Variants in ENPP2 observed in about 807,000 individuals in gnomAD.
ENPP2 encodes the protein ectonucleotide pyrophosphatase/phosphodiesterase 2.
A neutral mutation model predicts 120.2 loss-of-function variants in ENPP2; 51 were observed. The ratio of observed to expected loss-of-function variants is 0.42; its 90% CI spans 0.34 to 0.54. The LOEUF is 0.54. ENPP2 is among the 20% of genes least tolerant of loss of function. The pLI is 0.04. For missense variants in ENPP2, 920 were observed against 1,066.5 expected (o/e 0.86, Z 1.91); for synonymous variants, 365 against 366.4 (o/e 1.00, Z 0.04).
intron 8 of ENPP2, among the ~76,000 whole-genome samples, chr8:119,611,616 C>A (rs964937501): frequency 1.3e-5 from 2 of 152,110 alleles, no homozygotes; most frequent in Non-Finnish European, 1.5e-5. Flanking sequence ...CAGTTCCATC[C>A]GAAACACAAT....
chr8:119,622,823 T>C (rs1160761961), intron 3 of ENPP2, among the ~76,000 whole-genome samples: 2 of 152,112 alleles, frequency 1.3e-5, no homozygotes, highest in African/African-American at 4.8e-5. Context: ...TGCCAGGATG[T>C]CATAAAGAAC....
At chr8:119,634,291 T>C (rs1489853264) in intron 2 of ENPP2, among the ~76,000 whole-genome samples, 1 of 152,156 alleles carries the variant, frequency 6.6e-6, no homozygotes, top group Non-Finnish European at 1.5e-5. Flanking sequence ...TTCTACGTAA[T>C]TGAAGTTAAA....
rs146144916 is a variant in ENPP2 at position 119,605,571 on chromosome 8, C to T, written c.833+2351G>A. 3.7e-3 allele frequency among the ~76,000 whole-genome samples: 559 copies of T among 151,770 alleles called. 1 individual carries two copies. The highest frequency in any genetic ancestry group is 6.3e-3 in the Non-Finnish European group (426 of 67,932). ...TGCCTCCCAGGTTCAAGCCATTCTCCTGCCTCAGCCTCCCAGGTAGCTGGG... is the reference window on the plus strand; with the variant it reads ...TGCCTCCCAGGTTCAAGCCATTCTCTTGCCTCAGCCTCCCAGGTAGCTGGG... On this transcript the variant is annotated intron_variant, in intron 9 of 24. Coordinates refer to ENST00000075322, the MANE Select transcript of ENPP2 (RefSeq NM_001040092.3).
In ENPP2 at chr8:119,601,405, A is replaced by T; in HGVS notation, c.891T>A (p.Asp297Glu). 2 of 1,603,054 alleles carry T rather than the reference A, an allele frequency of 1.2e-6. No homozygotes were observed. Among genetic ancestry groups the T allele is most frequent in the Non-Finnish European group, 1.7e-6 (2 of 1,169,986 alleles). The change falls in exon 10 of 25, where the codon GAT becomes GAA. Residue 297 changes from aspartate to glutamate, a missense_variant. Physicochemically the swap from Asp to Glu is conservative, Grantham distance 45. Coordinates refer to ENST00000075322, the MANE Select transcript of ENPP2 (RefSeq NM_001040092.3). ...AAGAGAGAAATAAATACCTCTCATG[A>T]TCTGGCAGGGTGAGCCACTGCAATA... ...LTILQWLTLP[D>E]HERPSVYAFY...
In ENPP2 at chr8:119,600,723, C is replaced by T. The variant is rs1482268258; in HGVS notation, c.927G>A (p.Glu309=). The change falls in exon 11 of 25, where the codon GAG becomes GAA. Residue 309 remains glutamate (E), a synonymous_variant. Transcript: ENST00000075322. ...ATTTGTGTCCAGAGAAATCAGGTTG[C>T]TCAGAATAGAAGGCATAGACCGAAG... ...ERPSVYAFYS[E]QPDFSGHKYG... 3 of 1,612,840 alleles carry T rather than the reference C, an allele frequency of 1.9e-6. No homozygotes were observed. The highest frequency in any genetic ancestry group is 2.2e-5 in the South Asian group (2 of 91,056).
chr8:119,641,264 C>A (rs1038794200), upstream of ENPP2, among the ~76,000 whole-genome samples: 8 of 151,864 alleles, frequency 5.3e-5, no homozygotes, highest in Admixed American at 5.2e-4. Context: ...AAAGTCCCTA[C>A]CTCGGCTATC....
intron 11 of ENPP2, chr8:119,595,777 C>G: frequency 6.7e-7 from 1 of 1,501,970 alleles, no homozygotes. Flanking sequence ...ATTTTCCAAC[C>G]AAGGCACTGA....
intron 7 of ENPP2, 117 bp downstream of exon 7, chr8:119,617,047 A>G: frequency 1.4e-6 from 1 of 693,566 alleles, no homozygotes. Flanking sequence ...AAGATGGAAA[A>G]CAGAAAGATT....
intron 11 of ENPP2, among the ~76,000 whole-genome samples, chr8:119,594,861 T>C (rs1179039681): frequency 6.6e-6 from 1 of 152,218 alleles, no homozygotes; most frequent in Non-Finnish European, 1.5e-5. Context: ...ACACATAATA[T>C]TATCTTCCAC....
chr8:119,615,721 G>A (rs1197808785), intron 8 of ENPP2, among the ~76,000 whole-genome samples: 1 of 151,988 alleles, frequency 6.6e-6, no homozygotes, highest in Non-Finnish European at 1.5e-5. Context: ...AAGTTTCCCT[G>A]TTTCTGTTAT....
At chr8:119,564,754 T>C (rs1814267083) in intron 23 of ENPP2, 69 bp downstream of exon 23, 1 of 1,432,480 alleles carries the variant, frequency 7.0e-7, no homozygotes, top group African/African-American at 1.4e-5. Context: ...TATATGAATA[T>C]TTGAAAAACT....
intron 1 of ENPP2, among the ~76,000 whole-genome samples, chr8:119,670,056 C>G (rs1818195556): frequency 6.6e-6 from 1 of 152,184 alleles, no homozygotes; most frequent in South Asian, 2.1e-4. Flanking sequence ...CTATCTAGGC[C>G]TTTAGTGTCC....
rs765203972 is a variant in ENPP2 at position 119,570,734 on chromosome 8, G to A, written c.1888C>T (p.Leu630Phe). 3.2e-6 allele frequency: 5 copies of A among 1,585,640 alleles called. No homozygotes were observed. Among genetic ancestry groups the A allele is most frequent in the Non-Finnish European group, 4.3e-6 (5 of 1,164,680 alleles). ...SGYSEIFLMP[L>F]WTSYTVSKQA... ...TTGGAAACAGTATATGATGTCCAGA[G>A]TGGCATTAGGAATATTTCACTATAA... The change falls in exon 20 of 25, where the codon CTC (leucine) becomes TTC (phenylalanine). Residue 630 changes from leucine (L) to phenylalanine (F), a missense_variant. Leu to Phe is a conservative substitution (Grantham distance 22). Transcript: ENST00000075322.
chr8:119,583,739 A>G lies in ENPP2; in HGVS notation c.1521T>C (p.Ile507=), dbSNP rs145038215. The G allele has an allele frequency of 3.5e-5, 56 of 1,585,998 alleles. No individual in the cohort carries two copies. The highest frequency in any genetic ancestry group is 4.5e-5 in the Non-Finnish European group (52 of 1,155,426). The change falls in exon 17 of 25, where the codon ATT becomes ATC. Residue 507 remains isoleucine (I), a synonymous_variant. Coordinates refer to ENST00000075322, the MANE Select transcript of ENPP2 (RefSeq NM_001040092.3). ...TACCACACATAACATTGTAAAGTTC[A>G]ATGTTTTCAAATGGAGGCACTTTAG... ...YKTKVPPFEN[I]ELYNVMCDLL...
intron 12 of ENPP2, chr8:119,592,974 T>G (rs1813644894): frequency 1.0e-6 from 1 of 982,946 alleles, no homozygotes; most frequent in Non-Finnish European, 1.2e-6. Flanking sequence ...TCCTCCGAAC[T>G]CCACTAGAAG....
intron 1 of ENPP2, among the ~76,000 whole-genome samples, chr8:119,652,307 T>C (rs893264434): frequency 6.6e-6 from 1 of 152,096 alleles, no homozygotes; most frequent in Non-Finnish European, 1.5e-5. Flanking sequence ...TATCATCACC[T>C]TGGGAGTTAG....
At chr8:119,580,043 T>G (rs1339633292) in intron 19 of ENPP2, 73 bp downstream of exon 19, 1 of 984,126 alleles carries the variant, frequency 1.0e-6, no homozygotes, top group Non-Finnish European at 1.6e-6. Flanking sequence ...TACACTATAA[T>G]GTAAATAAGA....
intron 1 of ENPP2, among the ~76,000 whole-genome samples, chr8:119,666,564 C>T (rs756484623): frequency 1.1e-4 from 17 of 152,136 alleles, no homozygotes; most frequent in Non-Finnish European, 2.4e-4. Context: ...GCAGATCACC[C>T]AAGGTCAGGA....
rs771573202 is a variant in ENPP2, at chr8:119,569,344, A to G, written c.1944T>C (p.His648=). 1 of 1,614,088 alleles carries G rather than the reference A, an allele frequency of 6.2e-7. No individual in the cohort carries two copies. Among genetic ancestry groups the G allele is most frequent in the Admixed American group, 1.7e-5 (1 of 60,010 alleles). ...KQAEVSSVPD[H]LTSCVRPDVR... is the part of the protein sequence containing the mutation. ...CATCAGGCCGGACGCAACTGGTCAG[A>G]TGGTCAGGAACGCTGGAAACCTCAG... is the stretch of plus-strand genomic sequence containing the variant. The change falls in exon 21 of 25, where the codon CAT becomes CAC. Residue 648 remains histidine (H), a synonymous_variant. Coordinates refer to ENST00000075322, the MANE Select transcript of ENPP2 (RefSeq NM_001040092.3).
Sources: gnomAD v4.1 joint callset for allele counts (sites outside exome capture counted in the v4.1 genomes callset) on GRCh38, gnomAD v4.1.1 for gene constraint, MANE v1.5 for transcripts, NCBI Gene and HGNC (gene_info 2026-07-23, HGNC 2026-07-21) for gene names.